Variants in TMPRSS15 observed in about 807,000 individuals in gnomAD.
The protein encoded by TMPRSS15 is enteropeptidase.
In TMPRSS15, 128 loss-of-function variants were observed where a neutral mutation model predicts 125.3. The ratio of observed to expected loss-of-function variants is 1.02; its 90% CI spans 0.89 to 1.18. The LOEUF is 1.18. TMPRSS15 is among the 50% of genes most tolerant of loss of function. TMPRSS15 has a pLI of 0.00. For synonymous variants in TMPRSS15, 446 were observed against 423.2 expected, an observed-to-expected ratio of 1.05 and a Z score of -0.66; for missense variants, 1,283 against 1,212.7, an observed-to-expected ratio of 1.06 and a Z score of -0.86.
chr21:18,315,077 CT>C, intron 17 of TMPRSS15, 68 bp downstream of exon 17: 5 of 1,224,556 alleles, frequency 4.1e-6, no homozygotes, highest in Non-Finnish European at 6.0e-6. Flanking sequence ...TATAATCTTT[CT>C]TTGACACTGT....
chr21:18,412,276 A>G (rs940627578), intron 1 of TMPRSS15, among the ~76,000 whole-genome samples: 3 of 152,198 alleles, frequency 2.0e-5, no homozygotes, highest in African/African-American at 7.2e-5. Flanking sequence ...ATGCTCTTTT[A>G]TCTAATTTCC....
At chr21:18,392,963 A>G (rs2076003130) in intron 3 of TMPRSS15, among the ~76,000 whole-genome samples, 2 of 152,110 alleles carry the variant, frequency 1.3e-5, no homozygotes, top group Admixed American at 6.5e-5. Context: ...CTCCCTCAAC[A>G]TGTCGGGATT....
intron 12 of TMPRSS15, among the ~76,000 whole-genome samples, chr21:18,342,634 A>G (rs1403314570): frequency 2.6e-5 from 4 of 152,048 alleles, no homozygotes; most frequent in Non-Finnish European, 4.4e-5. Flanking sequence ...TGGCCTTTCC[A>G]TTTTCCCTTA....
At chr21:18,463,691 A>G (rs1408518621) in intron 1 of TMPRSS15, among the ~76,000 whole-genome samples, 1 of 152,124 alleles carries the variant, frequency 6.6e-6, no homozygotes, top group East Asian at 1.9e-4. Flanking sequence ...TCAACCACAT[A>G]ATTGGAAGTA....
rs1277023408 is a variant in TMPRSS15, at chr21:18,304,391, C to G, written c.2166-6562G>C. Among the ~76,000 whole-genome samples the G allele has an allele frequency of 2.0e-5, 3 of 152,098 alleles. No homozygotes were observed. In the East Asian group the frequency reaches 5.8e-4, roughly 29 times the overall value. On this transcript the variant is annotated intron_variant, in intron 18 of 24. Transcript: ENST00000284885. The stretch of plus-strand genomic sequence containing the variant: ...TGAGTATATGAAGGATCGTGCGTGT[C>G]TTGACTACTCTGTCAGAATGACCTC...
chr21:18,457,676 A>G (rs1978468944), intron 1 of TMPRSS15, among the ~76,000 whole-genome samples: 1 of 152,114 alleles, frequency 6.6e-6, no homozygotes, highest in Non-Finnish European at 1.5e-5. Flanking sequence ...CTAATAAGAA[A>G]TGGGCTCCCA....
intron 18 of TMPRSS15, among the ~76,000 whole-genome samples, chr21:18,306,714 C>A (rs2075043156): frequency 6.6e-6 from 1 of 151,608 alleles, no homozygotes; most frequent in Non-Finnish European, 1.5e-5. Flanking sequence ...TCAGCTATAT[C>A]ATTTATATAT....
chr21:18,313,310 A>C (rs2075121388), intron 17 of TMPRSS15, among the ~76,000 whole-genome samples: 1 of 151,480 alleles, frequency 6.6e-6, no homozygotes, highest in Non-Finnish European at 1.5e-5. Context: ...GGATAGGTTG[A>C]TTAGCATAAT....
At chr21:18,421,701 C>A (rs192122069) in intron 1 of TMPRSS15, among the ~76,000 whole-genome samples, 90 of 152,212 alleles carry the variant, frequency 5.9e-4, no homozygotes, top group African/African-American at 2.0e-3. Context: ...TGCTCTTCTC[C>A]TTAATCTATT....
At chr21:18,295,512 A>T (rs1463167733) in intron 19 of TMPRSS15, among the ~76,000 whole-genome samples, 1 of 152,240 alleles carries the variant, frequency 6.6e-6, no homozygotes, top group Non-Finnish European at 1.5e-5. Context: ...AGCTACAGCT[A>T]ATTGTGCATG....
At position 18,466,243 on chromosome 21, in the gene TMPRSS15, C is replaced by A. The variant is rs182403089; in HGVS notation, c.10+19556G>T. On this transcript the variant is annotated intron_variant, in intron 1 of 7. Transcript: ENST00000422787. Reference sequence around the variant, plus strand: ...AGTGAAACTGGATCCCTTCCTTACACCTTATACAAAAATTAACTCAAGATG... The same window carrying A: ...AGTGAAACTGGATCCCTTCCTTACAACTTATACAAAAATTAACTCAAGATG... Among the ~76,000 whole-genome samples the A allele has an allele frequency of 5.7e-3, 861 of 152,210 alleles. 7 individuals are homozygous for A. Among genetic ancestry groups the A allele is most frequent in the African/African-American group, 0.019 (773 of 41,532 alleles).
rs751001671 is a variant in TMPRSS15 at position 18,359,774 on chromosome 21, G to C, written c.863C>G (p.Ser288Ter). 1.4e-6 allele frequency: 2 copies of C among 1,429,168 alleles called. No individual in the cohort carries two copies. The highest frequency in any genetic ancestry group is 4.6e-5 in the East Asian group (2 of 43,692). 88.5% of individuals were successfully genotyped at this position (1,429,168 alleles called of 1,614,324 possible). A position where few individuals can be genotyped will look rare whatever the true frequency, so the allele number is the denominator to read the frequency against. ...CAACTTACCTCTTAAAATCTTGCTT[G>C]ATCCTACACCTTCATAAATATCTAA... The part of the protein sequence containing the change: ...DILDIYEGVG[S>*]SKILRASIWE... The change falls in exon 8 of 25, where the codon TCA becomes TGA. Residue 288 changes from serine to a stop codon, truncating the protein, a stop_gained. Transcript: ENST00000284885. LOFTEE classifies it high-confidence loss of function.
intron 1 of TMPRSS15, among the ~76,000 whole-genome samples, chr21:18,465,717 C>G (rs930918379): frequency 1.3e-5 from 2 of 151,988 alleles, no homozygotes; most frequent in South Asian, 4.1e-4. Flanking sequence ...ATGTGAAGAA[C>G]GTCTTCAAGG....
intron 16 of TMPRSS15, 125 bp downstream of exon 16, chr21:18,326,307 G>T: frequency 7.5e-7 from 1 of 1,332,822 alleles, no homozygotes; most frequent in Non-Finnish European, 1.1e-6. Flanking sequence ...TCTTCATTAA[G>T]ATGAGGAAGA....
At position 18,294,619 on chromosome 21, in the gene TMPRSS15, T is replaced by C. The variant is rs762245083; in HGVS notation, c.2295A>G (p.Leu765=). Residue 765 remains leucine (L), a synonymous_variant, in exon 20 of 25, where the codon TTA becomes TTG. Coordinates refer to ENST00000284885, the MANE Select transcript of TMPRSS15 (RefSeq NM_002772.3). The part of the protein sequence containing the change: ...QQCLQDSLIR[L]QCNHKSCGKK... The stretch of plus-strand genomic sequence containing the variant: ...TTTACTTACATTTATGGTTACACTG[T>C]AACCGAATCAAGGAATCCTGTAAAC... The C allele has an allele frequency of 1.9e-6, 3 of 1,611,530 alleles. No homozygotes were observed. The highest frequency in any genetic ancestry group is 1.7e-4 in the Middle Eastern group (1 of 6,052).
intron 1 of TMPRSS15, among the ~76,000 whole-genome samples, chr21:18,409,611 G>T (rs1380229493): frequency 2.6e-5 from 4 of 151,954 alleles, no homozygotes; most frequent in Non-Finnish European, 5.9e-5. Flanking sequence ...ACAAATTTGT[G>T]TAATGCTGTT....
chr21:18,484,133 A>G (rs1979034591), intron 1 of TMPRSS15, among the ~76,000 whole-genome samples: 1 of 151,822 alleles, frequency 6.6e-6, no homozygotes, highest in African/African-American at 2.4e-5. Flanking sequence ...CAATCTATTT[A>G]GTTATTCTTA....
intron 1 of TMPRSS15, among the ~76,000 whole-genome samples, chr21:18,485,302 A>G (rs75080173): frequency 1.2e-4 from 18 of 151,956 alleles, no homozygotes; most frequent in African/African-American, 4.1e-4. Context: ...TTCAATCTTT[A>G]TGTATTTTTT....
At chr21:18,283,888 A>G (rs1262561967) in intron 21 of TMPRSS15, among the ~76,000 whole-genome samples, 1 of 152,210 alleles carries the variant, frequency 6.6e-6, no homozygotes, top group African/African-American at 2.4e-5. Context: ...CTTGTAGGTA[A>G]CATAGTTTAG....
Sources: gnomAD v4.1 joint callset for allele counts (sites outside exome capture counted in the v4.1 genomes callset) on GRCh38, gnomAD v4.1.1 for gene constraint, MANE v1.5 for transcripts, NCBI Gene and HGNC (gene_info 2026-07-23, HGNC 2026-07-21) for gene names.